The following KCNH8 variants were observed in gnomAD, a reference collection of about 807,000 sequenced individuals.
KCNH8 encodes the protein potassium voltage-gated channel subfamily H member 8.
Under a neutral mutation model 103.6 loss-of-function variants are expected in KCNH8, and 70 were observed. The observed-to-expected ratio is 0.68, with a 90% CI of 0.56 to 0.82. The LOEUF (loss-of-function observed/expected upper bound fraction) is 0.82, where lower values mean the gene tolerates loss of function less well. Among genes scored for constraint, KCNH8 ranks in the 40% least tolerant of loss-of-function variants. The pLI, the probability that KCNH8 is intolerant of heterozygous loss-of-function variation, is 0.00. For synonymous variants in KCNH8, 498 were observed against 489.4 expected (o/e 1.02, Z -0.23); for missense variants, 1,217 against 1,329.9 (o/e 0.92, Z 1.32).
chr3:19,515,436 C>G lies in KCNH8; in HGVS notation c.2542+8C>G, dbSNP rs1324498488. 7.3e-7 allele frequency: 1 copy of G among 1,377,342 alleles called. No individual in the cohort carries two copies. The highest frequency in any genetic ancestry group is 1.5e-5 in the African/African-American group (1 of 67,324). The allele number at this position is 1,377,342 out of a possible 1,614,324, so 85.3% of individuals were successfully genotyped here. A position where few individuals can be genotyped will look rare whatever the true frequency, so the allele number is the denominator to read the frequency against. On this transcript the variant is annotated splice_region_variant and intron_variant, in intron 14 of 15. Coordinates refer to ENST00000328405, the MANE Select transcript of KCNH8 (RefSeq NM_144633.3). ...TTTCTCCTCCTCTTGGAGGTAAGAT[C>G]TATATTTAGTCTTCTCCTAAGGTAA...
intron 7 of KCNH8, among the ~76,000 whole-genome samples, chr3:19,405,868 G>GA (rs1231960615): frequency 1.3e-5 from 2 of 151,816 alleles, no homozygotes; most frequent in African/African-American, 4.8e-5. Context: ...AACCCTTTGG[G>GA]AAAATGAATG....
chr3:19,200,068 T>A (rs1399615953), intron 1 of KCNH8, among the ~76,000 whole-genome samples: 1 of 152,098 alleles, frequency 6.6e-6, no homozygotes, highest in Non-Finnish European at 1.5e-5. Flanking sequence ...AATAAGTGAT[T>A]AAAAATAAAA....
intron 3 of KCNH8, among the ~76,000 whole-genome samples, chr3:19,308,769 CCTCCCTCTCT>C (rs2065171254): frequency 3.5e-5 from 1 of 28,556 alleles, no homozygotes; most frequent in African/African-American, 2.3e-4. Context: ...TCCCTCTCTC[CCTCCCTCTCT>C]CTCTCTCCCT....
chr3:19,238,137 G>C (rs767684091), intron 1 of KCNH8, among the ~76,000 whole-genome samples: 1 of 152,160 alleles, frequency 6.6e-6, no homozygotes, highest in Non-Finnish European at 1.5e-5. Context: ...TGTTGCACTT[G>C]TGCAAGTCAT....
intron 5 of KCNH8, among the ~76,000 whole-genome samples, chr3:19,354,751 A>C (rs569500812): frequency 6.6e-6 from 1 of 152,344 alleles, no homozygotes; most frequent in Admixed American, 6.5e-5. Flanking sequence ...TAAAGATTTA[A>C]ATGTTAGACC....
At chr3:19,400,254 A>AAAAAAC (rs2066592249) in intron 7 of KCNH8, among the ~76,000 whole-genome samples, 1 of 150,688 alleles carries the variant, frequency 6.6e-6, no homozygotes, top group East Asian at 1.9e-4. Flanking sequence ...AAAAAAAAAA[A>AAAAAAC]AGCATCATAA....
chr3:19,446,289 A>T (rs1265422963), intron 8 of KCNH8, among the ~76,000 whole-genome samples: 2 of 152,110 alleles, frequency 1.3e-5, no homozygotes, highest in East Asian at 3.9e-4. Context: ...GAGGTTGGAT[A>T]AAGCTTCCTA....
At chr3:19,367,157 T>C (rs939207643) in intron 5 of KCNH8, among the ~76,000 whole-genome samples, 1 of 151,928 alleles carries the variant, frequency 6.6e-6, no homozygotes, top group African/African-American at 2.4e-5. Flanking sequence ...ATCTTTGCAC[T>C]TTCTACTCCC....
intron 7 of KCNH8, among the ~76,000 whole-genome samples, chr3:19,406,625 C>A (rs551478604): frequency 2.6e-5 from 4 of 152,060 alleles, no homozygotes; most frequent in Admixed American, 2.6e-4. Flanking sequence ...TTTTTTTCAA[C>A]CCCCATGCTC....
At chr3:19,411,476 C>T (rs1271170509) in intron 7 of KCNH8, among the ~76,000 whole-genome samples, 2 of 151,962 alleles carry the variant, frequency 1.3e-5, no homozygotes. Context: ...TAGCTATTCT[C>T]CCACCTTCTA....
intron 15 of KCNH8, 129 bp from the exon 16 acceptor site, chr3:19,533,266 G>A: frequency 1.6e-6 from 1 of 629,770 alleles, no homozygotes; most frequent in Non-Finnish European, 2.7e-6. Context: ...ATGCTAAAAT[G>A]TTTAAGAATA....
chr3:19,298,921 C>CAAAAA (rs56304109), intron 3 of KCNH8, among the ~76,000 whole-genome samples: 5 of 77,052 alleles, frequency 6.5e-5, no homozygotes, highest in South Asian at 5.0e-4. Flanking sequence ...GACTCCGTCT[C>CAAAAA]AAAAAAAAAA....
intron 4 of KCNH8, among the ~76,000 whole-genome samples, chr3:19,345,758 T>A (rs549240922): frequency 1.3e-5 from 2 of 152,180 alleles, no homozygotes; most frequent in African/African-American, 4.8e-5. Flanking sequence ...GTTTGCAGGA[T>A]TTGAGTTAAC....
chr3:19,287,664 C>A (rs926543394), intron 3 of KCNH8, among the ~76,000 whole-genome samples: 1 of 152,164 alleles, frequency 6.6e-6, no homozygotes, highest in African/African-American at 2.4e-5. Context: ...CGGCTCACTG[C>A]AACCTCCACC....
rs756072297 is a variant in KCNH8, at chr3:19,533,898, T to G, written c.3123T>G (p.Ser1041=). The G allele has an allele frequency of 5.0e-6, 8 of 1,614,136 alleles. No homozygotes were observed. In the South Asian group the frequency reaches 6.6e-5, roughly 13 times the overall value. ...CTGTCTGCTCCTCTTCGGAAACATCTTTGCACCTAGTTCTCCCAAGCAGAT... is the reference window on the plus strand; with the variant it reads ...CTGTCTGCTCCTCTTCGGAAACATCGTTGCACCTAGTTCTCCCAAGCAGAT... ...SSSVCSSSET[S]LHLVLPSRSE... Residue 1041 remains serine (S), a synonymous_variant, in exon 16 of 16, where the codon TCT becomes TCG. Coordinates refer to ENST00000328405, the MANE Select transcript of KCNH8 (RefSeq NM_144633.3).
At chr3:19,284,508 G>GT (rs770760227) in intron 3 of KCNH8, among the ~76,000 whole-genome samples, 1 of 136,524 alleles carries the variant, frequency 7.3e-6, no homozygotes, top group Non-Finnish European at 1.6e-5. Context: ...TGGATCTGCT[G>GT]GTGTGTGTGT....
chr3:19,478,425 A>T (rs538381045), intron 11 of KCNH8, among the ~76,000 whole-genome samples: 8 of 152,154 alleles, frequency 5.3e-5, no homozygotes, highest in Non-Finnish European at 8.8e-5. Flanking sequence ...TTTTCTCCAC[A>T]TCCTCAACAA....
intron 5 of KCNH8, among the ~76,000 whole-genome samples, chr3:19,364,571 C>T (rs1355999765): frequency 2.6e-5 from 4 of 151,956 alleles, no homozygotes; most frequent in African/African-American, 7.3e-5. Flanking sequence ...GCGTATATAG[C>T]AATAATTATA....
rs2067445361 is a variant in KCNH8 at position 19,451,387 on chromosome 3, T to C, written c.1808T>C (p.Met603Thr). Residue 603 changes from methionine (M) to threonine (T), a missense_variant, in exon 10 of 16, where the codon ATG (methionine) becomes ACG (threonine). Met to Thr is a moderately conservative substitution (Grantham distance 81). Transcript: ENST00000328405. ...TCCATGGAAGTTCTTAAAGACAGCA[T>C]GGTGCTGGCTATTCTTGGTAGGTCT... is the stretch of plus-strand genomic sequence containing the variant. ...SGSMEVLKDS[M>T]VLAILGKGDL... is the part of the protein sequence containing the mutation. The C allele has an allele frequency of 6.2e-7, 1 of 1,613,728 alleles. No individual in the cohort carries two copies. Among genetic ancestry groups the C allele is most frequent in the African/African-American group, 1.3e-5 (1 of 75,006 alleles).
Sources: gnomAD v4.1 joint callset for allele counts (sites outside exome capture counted in the v4.1 genomes callset) on GRCh38, gnomAD v4.1.1 for gene constraint, MANE v1.5 for transcripts, NCBI Gene and HGNC (gene_info 2026-07-23, HGNC 2026-07-21) for gene names.